PCDHGB3: variants seen among roughly 807,000 people sequenced by gnomAD.
PCDHGB3 encodes protocadherin gamma subfamily B, 3.
A neutral mutation model predicts 59.2 loss-of-function variants in PCDHGB3; 40 were observed. That is an observed-to-expected ratio of 0.68 (90% confidence interval 0.52 to 0.88). The LOEUF (loss-of-function observed/expected upper bound fraction) is 0.88, where lower values mean the gene tolerates loss of function less well. Among genes scored for constraint, PCDHGB3 ranks in the 40% least tolerant of loss-of-function variants. PCDHGB3 has a pLI of 0.00. For synonymous variants in PCDHGB3, 581 were observed against 503.6 expected, an observed-to-expected ratio of 1.15 and a Z score of -2.06; for missense variants, 1,309 against 1,187.9, an observed-to-expected ratio of 1.10 and a Z score of -1.50.
intron 2 of PCDHGB3, among the ~76,000 whole-genome samples, chr5:141,497,865 A>G (rs1248242691): frequency 2.0e-5 from 3 of 152,168 alleles, no homozygotes; most frequent in Admixed American, 2.0e-4. Flanking sequence ...CAGCGGCTCC[A>G]AAGTGAAATA....
At chr5:141,376,154 C>T (rs1425376305) in intron 1 of PCDHGB3, 11 of 1,614,032 alleles carry the variant, frequency 6.8e-6, no homozygotes, top group Middle Eastern at 1.7e-4. Flanking sequence ...GGACCTCACT[C>T]TGTACCTGGT....
intron 1 of PCDHGB3, chr5:141,376,429 G>A (rs1213536945): frequency 1.9e-5 from 31 of 1,614,088 alleles, no homozygotes; most frequent in Non-Finnish European, 2.5e-5. Context: ...TTATCAACCA[G>A]GAGAGCTATG....
intron 1 of PCDHGB3, among the ~76,000 whole-genome samples, chr5:141,439,341 G>A (rs1464427300): frequency 6.6e-6 from 1 of 152,166 alleles, no homozygotes; most frequent in East Asian, 1.9e-4. Context: ...AAGATTCTAA[G>A]CCTACAAATA....
intron 1 of PCDHGB3, chr5:141,409,246 C>A (rs771759898): frequency 1.2e-6 from 2 of 1,614,032 alleles, no homozygotes; most frequent in Admixed American, 3.3e-5. Context: ...CAGAAATAAT[C>A]ATCACTTCTC....
intron 1 of PCDHGB3, chr5:141,378,561 A>C (rs1775013664): frequency 6.6e-6 from 1 of 152,238 alleles, no homozygotes. Context: ...AAGAGTGAAC[A>C]TGAATTTTAA....
rs755293492 is a variant in PCDHGB3 at position 141,394,003 on chromosome 5, C to A, written c.2415+21194C>A. On this transcript the variant is annotated intron_variant, in intron 1 of 3. Transcript: ENST00000576222. ...AATTTACCTTTTAAATTAGAAAAGT[C>A]AATAGGTAATTATTATAGATTAGTG... The A allele has an allele frequency of 1.9e-6, 3 of 1,613,310 alleles. No homozygotes were observed. The South Asian group carries it at 3.3e-5, about 18-fold the overall frequency.
intron 1 of PCDHGB3, chr5:141,413,141 G>A: frequency 1.3e-6 from 2 of 1,564,906 alleles, no homozygotes; most frequent in Non-Finnish European, 1.7e-6. Context: ...AACGTGTCCA[G>A]TGAGGACTTT....
In PCDHGB3 at chr5:141,372,102, G is replaced by A. The variant is rs200898659; in HGVS notation, c.1708G>A (p.Glu570Lys). Reference protein sequence around the residue: ...PLVLYPALGPEGSALFDMVPR... With the variant: ...PLVLYPALGPKGSALFDMVPR... The stretch of plus-strand genomic sequence containing the variant: ...GGTGCTGTACCCAGCTCTGGGGCCC[G>A]AAGGCTCTGCGCTCTTCGATATGGT... The change falls in exon 1 of 4, where the codon GAA becomes AAA. Residue 570 changes from glutamate (E) to lysine (K), a missense_variant. Coordinates refer to ENST00000576222, the MANE Select transcript of PCDHGB3 (RefSeq NM_018924.5). 5.0e-5 allele frequency: 81 copies of A among 1,613,784 alleles called. No homozygotes were observed. The African/African-American group carries it at 1.0e-3, about 20-fold the overall frequency.
Position 141,370,339 on chromosome 5 carries a change from ATTAT to A in PCDHGB3, c.-52_-49del, listed in dbSNP as rs1300420900. ...TGGTCCTGCTCGGAGAACTCTTGGG[ATTAT>A]TTAAAGATCTCCTCTCCTCGGATTT... On this transcript the variant is annotated 5_prime_UTR_variant, in exon 1 of 4. Transcript: ENST00000576222. 18 of 1,464,644 alleles carry A rather than the reference ATTAT, an allele frequency of 1.2e-5. No homozygotes were observed. The highest frequency in any genetic ancestry group is 1.7e-5 in the Non-Finnish European group (18 of 1,089,668). The allele number at this position is 1,464,644 out of a possible 1,614,324, so 90.7% of individuals were successfully genotyped here. A position where few individuals can be genotyped will look rare whatever the true frequency, so the allele number is the denominator to read the frequency against.
At chr5:141,374,150 C>T in intron 1 of PCDHGB3, 1 of 1,611,806 alleles carries the variant, frequency 6.2e-7, no homozygotes, top group Non-Finnish European at 8.5e-7. Context: ...CCTGGGGACG[C>T]TGTGGGGGGC....
chr5:141,468,981 A>G (rs1209945826), intron 1 of PCDHGB3, among the ~76,000 whole-genome samples: 4 of 151,852 alleles, frequency 2.6e-5, no homozygotes, highest in East Asian at 1.9e-4. Context: ...TTTGACTTCC[A>G]AAATTATTGT....
intron 3 of PCDHGB3, among the ~76,000 whole-genome samples, chr5:141,510,511 T>C (rs2099881465): frequency 6.6e-6 from 1 of 152,142 alleles, no homozygotes; most frequent in Non-Finnish European, 1.5e-5. Context: ...TGAGAGCCCG[T>C]GTCACAGCCC....
chr5:141,419,177 C>T (rs1223789288), intron 1 of PCDHGB3: 8 of 1,613,862 alleles, frequency 5.0e-6, no homozygotes, highest in Admixed American at 1.7e-5. Flanking sequence ...AACCATAACC[C>T]TGCACATTAC....
intron 1 of PCDHGB3, chr5:141,428,502 G>T: frequency 7.1e-6 from 2 of 282,686 alleles, no homozygotes; most frequent in Non-Finnish European, 6.9e-6. Flanking sequence ...ATGTTCCCTC[G>T]GATTCTAGAA....
chr5:141,443,064 G>A (rs76234738), intron 1 of PCDHGB3, among the ~76,000 whole-genome samples: 48 of 152,264 alleles, frequency 3.2e-4, no homozygotes, highest in African/African-American at 1.1e-3. Context: ...ACTGAAGAGC[G>A]TCTTATGACT....
At chr5:141,384,225 G>A (rs757132379) in intron 1 of PCDHGB3, 1 of 1,613,856 alleles carries the variant, frequency 6.2e-7, no homozygotes, top group Non-Finnish European at 8.5e-7. Context: ...TCATGCAGGT[G>A]GCAGACACCA....
chr5:141,427,151 G>A (rs1481629222), intron 1 of PCDHGB3: 1 of 456,934 alleles, frequency 2.2e-6, no homozygotes, highest in Admixed American at 2.3e-5. Flanking sequence ...TTGGAAATAT[G>A]TTTGTGCTAG....
Position 141,489,424 on chromosome 5 carries a change from C to T in PCDHGB3, c.2416-5383C>T, listed in dbSNP as rs758049228. The T allele has an allele frequency of 5.0e-5, 80 of 1,613,958 alleles. No homozygotes were observed. In the Admixed American group the frequency reaches 1.1e-3, roughly 23 times the overall value. On this transcript the variant is annotated intron_variant, in intron 1 of 3. Coordinates refer to ENST00000576222, the MANE Select transcript of PCDHGB3 (RefSeq NM_018924.5). The surrounding 1 kb of genome is among the most constrained non-coding windows in gnomAD (Gnocchi z 4.5). ...CTTAAAGATGACAGATCTGTTGAGC[C>T]GGCGGCTGCAATTGGGCTCTGAGGA...
intron 1 of PCDHGB3, chr5:141,385,861 G>A (rs561611576): frequency 8.5e-5 from 13 of 153,290 alleles, no homozygotes; most frequent in African/African-American, 2.6e-4. Flanking sequence ...GGTGGTAGTA[G>A]AAGGTTGGAT....
Sources: gnomAD v4.1 joint callset for allele counts (sites outside exome capture counted in the v4.1 genomes callset) on GRCh38, gnomAD v4.1.1 for gene constraint, Gnocchi (gnomAD v3.1) non-coding constraint, MANE v1.5 for transcripts, NCBI Gene and HGNC (gene_info 2026-07-23, HGNC 2026-07-21) for gene names.